Variants in SLC26A8 observed in about 807,000 individuals in gnomAD.
SLC26A8 encodes the protein testis anion transporter 1.
Under a neutral mutation model 105.0 loss-of-function variants are expected in SLC26A8, and 70 were observed. That is an observed-to-expected ratio of 0.67 (90% CI 0.55 to 0.81). The LOEUF (loss-of-function observed/expected upper bound fraction) is 0.81, where lower values mean the gene tolerates loss of function less well. Ranked by LOEUF, SLC26A8 falls within the 40% of genes least tolerant of loss-of-function variation. SLC26A8 has a pLI of 0.00. For missense variants in SLC26A8, 998 were observed against 1,181.8 expected (o/e 0.84, Z 2.28); for synonymous variants, 415 against 438.3 (o/e 0.95, Z 0.66).
At chr6:35,998,319 G>T (rs534832608) in intron 4 of SLC26A8, among the ~76,000 whole-genome samples, 7 of 152,154 alleles carry the variant, frequency 4.6e-5, no homozygotes, top group Admixed American at 4.6e-4. Context: ...ACTTTGGGAG[G>T]CTGAGGCAGG....
chr6:36,000,139 G>T (rs1227311295), intron 3 of SLC26A8, 31 bp from the exon 4 acceptor site: 1 of 1,459,548 alleles, frequency 6.9e-7, no homozygotes, highest in Non-Finnish European at 9.6e-7. Flanking sequence ...AGAAAAAGCA[G>T]CTTGTCTTTA....
intron 10 of SLC26A8, among the ~76,000 whole-genome samples, chr6:35,973,815 G>C (rs1201420267): frequency 6.6e-6 from 1 of 152,154 alleles, no homozygotes; most frequent in African/African-American, 2.4e-5. Context: ...ATTCGTTTCT[G>C]ACCATGGCTA....
At chr6:35,961,723 C>A (rs1772314241) in intron 12 of SLC26A8, among the ~76,000 whole-genome samples, 1 of 152,148 alleles carries the variant, frequency 6.6e-6, no homozygotes, top group Admixed American at 6.5e-5. Flanking sequence ...CAAAAGTTAT[C>A]CCCTTTCATA....
Position 35,975,401 on chromosome 6 carries a change from G to A in SLC26A8, c.1261C>T (p.Gln421Ter). ...FTGAIARTII[Q>*]DKSGGRQQFA... ...TGTTGTCTTCCTCCAGATTTATCCT[G>A]GATAATAGTCCTAGCAATAGCACCA... Residue 421 changes from glutamine (Q) to a stop codon, truncating the protein, a stop_gained, in exon 10 of 20, where the codon CAG (glutamine) becomes TAG (stop). Transcript: ENST00000490799. LOFTEE classifies it high-confidence loss of function. 3.1e-6 allele frequency: 5 copies of A among 1,610,882 alleles called. No individual in the cohort carries two copies. The highest frequency in any genetic ancestry group is 1.3e-5 in the African/African-American group (1 of 74,836).
intron 7 of SLC26A8, among the ~76,000 whole-genome samples, chr6:35,983,147 A>C (rs987063225): frequency 4.6e-5 from 7 of 152,364 alleles, no homozygotes; most frequent in African/African-American, 1.7e-4. Context: ...GCAGTTGACT[A>C]ACCTGTGATA....
chr6:36,002,164 G>A (rs1761542051), intron 3 of SLC26A8, among the ~76,000 whole-genome samples: 1 of 152,100 alleles, frequency 6.6e-6, no homozygotes, highest in African/African-American at 2.4e-5. Context: ...AGCAAAATAG[G>A]AAATTTATTA....
chr6:36,018,547 G>A (rs1762050499), intron 2 of SLC26A8, among the ~76,000 whole-genome samples: 1 of 152,184 alleles, frequency 6.6e-6, no homozygotes, highest in South Asian at 2.1e-4. Context: ...CAGAATTTCT[G>A]TTTGAGGTGA....
At chr6:36,012,764 A>G (rs967512609) in intron 2 of SLC26A8, among the ~76,000 whole-genome samples, 1 of 152,256 alleles carries the variant, frequency 6.6e-6, no homozygotes, top group Non-Finnish European at 1.5e-5. Context: ...GTGTTTTCAC[A>G]GGATATTTGG....
chr6:36,021,027 A>G (rs1581705105), intron 1 of SLC26A8, among the ~76,000 whole-genome samples: 1 of 152,216 alleles, frequency 6.6e-6, no homozygotes, highest in East Asian at 1.9e-4. Context: ...TTTCCACAAC[A>G]ATACCAGTAC....
intron 8 of SLC26A8, among the ~76,000 whole-genome samples, chr6:35,979,694 A>G (rs1056449259): frequency 6.6e-6 from 1 of 152,146 alleles, no homozygotes; most frequent in African/African-American, 2.4e-5. Context: ...GTAAAGCTTG[A>G]ATATTTAGTA....
chr6:35,974,393 T>A (rs933365815), intron 10 of SLC26A8, among the ~76,000 whole-genome samples: 1 of 152,224 alleles, frequency 6.6e-6, no homozygotes, highest in African/African-American at 2.4e-5. Context: ...ATTAGACACT[T>A]TGCCTCTACA....
chr6:35,973,891 T>C (rs1039038799), intron 10 of SLC26A8, among the ~76,000 whole-genome samples: 2 of 152,246 alleles, frequency 1.3e-5, no homozygotes, highest in Non-Finnish European at 1.5e-5. Flanking sequence ...CTCTGGCGTC[T>C]GAATGCTGAC....
At chr6:35,973,182 G>A (rs1490761421) in intron 10 of SLC26A8, among the ~76,000 whole-genome samples, 1 of 152,132 alleles carries the variant, frequency 6.6e-6, no homozygotes, top group Non-Finnish European at 1.5e-5. Context: ...AATAAACAAA[G>A]TATGTCATAA....
chr6:35,977,788 G>A (rs1265964078), intron 8 of SLC26A8, among the ~76,000 whole-genome samples: 4 of 151,946 alleles, frequency 2.6e-5, no homozygotes, highest in Admixed American at 2.6e-4. Context: ...CATACGGCTG[G>A]GTGCGGTGGC....
intron 16 of SLC26A8, among the ~76,000 whole-genome samples, chr6:35,958,704 C>T (rs534499620): frequency 4.6e-5 from 7 of 151,966 alleles, no homozygotes; most frequent in Non-Finnish European, 1.0e-4. Flanking sequence ...ACCTGCATGG[C>T]GGGTGGAGGC....
chr6:35,944,012 G>A lies in SLC26A8; in HGVS notation c.2801C>T (p.Pro934Leu), dbSNP rs200359080. The A allele has an allele frequency of 1.2e-4, 195 of 1,613,944 alleles. No homozygotes were observed. The highest frequency in any genetic ancestry group is 1.5e-4 in the Non-Finnish European group (181 of 1,179,996). Reference sequence around the variant, plus strand: ...CTGAGACTGGGTGGAAGCCATAGACGGATGATACATAGGCCAGTAACGCTG... The same window carrying A: ...CTGAGACTGGGTGGAAGCCATAGACAGATGATACATAGGCCAGTAACGCTG... The part of the protein sequence containing the change: ...PQQRYWPMYH[P>L]SMASTQSQTQ... The change falls in exon 20 of 20, where the codon CCG (proline) becomes CTG (leucine). Residue 934 changes from proline to leucine, a missense_variant. Coordinates refer to ENST00000490799, the MANE Select transcript of SLC26A8 (RefSeq NM_052961.4).
intron 5 of SLC26A8, among the ~76,000 whole-genome samples, chr6:35,994,166 G>A (rs1234070325): frequency 1.4e-5 from 2 of 138,292 alleles, no homozygotes; most frequent in African/African-American, 5.4e-5. Flanking sequence ...CCAGGCTGGA[G>A]TGCAGTGGCG....
At chr6:35,956,924 GA>G (rs11286224) in intron 16 of SLC26A8, among the ~76,000 whole-genome samples, 57,824 of 136,906 alleles carry the variant, frequency 0.42, 12,538 homozygotes, top group African/African-American at 0.61. Context: ...CATCTCAAAA[GA>G]AAAAAAAAAA....
intron 3 of SLC26A8, among the ~76,000 whole-genome samples, chr6:36,011,378 C>T (rs1427955252): frequency 6.6e-6 from 1 of 152,198 alleles, no homozygotes; most frequent in Non-Finnish European, 1.5e-5. Context: ...GTGACTCTTA[C>T]AACTGGACTT....
Sources: allele counts gnomAD v4.1 joint callset (sites outside exome capture counted in the v4.1 genomes callset), GRCh38; gene constraint gnomAD v4.1.1; transcripts MANE v1.5; gene names NCBI Gene and HGNC (gene_info 2026-07-23, HGNC 2026-07-21).